The following RALGPS1 variants were observed in gnomAD, a reference collection of about 807,000 sequenced individuals.
RALGPS1 encodes Ral GEF with PH domain and SH3 binding motif 1, also known as ras-specific guanine nucleotide-releasing factor RalGPS1.
Under a neutral mutation model 78.8 loss-of-function variants are expected in RALGPS1, and 19 were observed. The observed-to-expected ratio is 0.24, with a 90% CI of 0.17 to 0.35. The LOEUF (loss-of-function observed/expected upper bound fraction) is 0.35, where lower values mean the gene tolerates loss of function less well. Among genes scored for constraint, RALGPS1 ranks in the 10% least tolerant of loss-of-function variants. RALGPS1 has a pLI of 1.00. For synonymous variants in RALGPS1, 228 were observed against 256.3 expected (o/e 0.89, Z 1.06); for missense variants, 454 against 688.3 (o/e 0.66, Z 3.81).
intron 8 of RALGPS1, among the ~76,000 whole-genome samples, chr9:127,089,349 A>G (rs2052167913): frequency 6.6e-6 from 1 of 152,176 alleles, no homozygotes; most frequent in Admixed American, 6.5e-5. Context: ...GTGATCTCAG[A>G]CAAGTGACTT....
intron 8 of RALGPS1, among the ~76,000 whole-genome samples, chr9:127,076,890 T>G (rs1299497813): frequency 3.3e-5 from 5 of 152,088 alleles, no homozygotes; most frequent in Admixed American, 3.3e-4. Context: ...ATAAGCTGGG[T>G]GAAGAGGTGG....
At chr9:127,060,310 A>G (rs1291832099) in intron 7 of RALGPS1, among the ~76,000 whole-genome samples, 2 of 152,222 alleles carry the variant, frequency 1.3e-5, no homozygotes, top group Admixed American at 6.5e-5. Flanking sequence ...ATCTGAATAC[A>G]TGTTACATAT....
chr9:127,131,957 C>CG (rs2057034770), intron 8 of RALGPS1, among the ~76,000 whole-genome samples: 1 of 151,864 alleles, frequency 6.6e-6, no homozygotes, highest in Admixed American at 6.6e-5. Context: ...ATCTGGGGCC[C>CG]GGGAATTTGC....
At chr9:126,967,161 A>G (rs1305577467) in intron 3 of RALGPS1, among the ~76,000 whole-genome samples, 3 of 152,158 alleles carry the variant, frequency 2.0e-5, no homozygotes, top group Admixed American at 6.5e-5. Context: ...AGCCTGGCAC[A>G]TGCATCATCT....
chr9:126,936,132 C>T (rs894576493), intron 1 of RALGPS1, among the ~76,000 whole-genome samples: 1 of 152,200 alleles, frequency 6.6e-6, no homozygotes, highest in African/African-American at 2.4e-5. Flanking sequence ...CCAGTCATCC[C>T]GAGCCTCAGG....
intron 13 of RALGPS1, among the ~76,000 whole-genome samples, 177 bp from the exon 14 acceptor site, chr9:127,198,838 C>T (rs1461121681): frequency 6.6e-6 from 1 of 152,186 alleles, no homozygotes; most frequent in Non-Finnish European, 1.5e-5. Context: ...TTCTTTGACC[C>T]TCCCAGAGCA....
chr9:126,915,659 A>G (rs780769006), intron 1 of RALGPS1, among the ~76,000 whole-genome samples: 1 of 151,800 alleles, frequency 6.6e-6, no homozygotes, highest in African/African-American at 2.4e-5. Flanking sequence ...CTTGGAGCTC[A>G]GCTGCCCTGG....
At chr9:126,949,141 C>A (rs1267224101) in intron 1 of RALGPS1, among the ~76,000 whole-genome samples, 1 of 152,296 alleles carries the variant, frequency 6.6e-6, no homozygotes, top group Non-Finnish European at 1.5e-5. Context: ...AGGACATGAA[C>A]TCATCATTTT....
intron 1 of RALGPS1, among the ~76,000 whole-genome samples, chr9:126,938,068 T>C (rs1190531112): frequency 2.6e-5 from 4 of 152,172 alleles, no homozygotes; most frequent in African/African-American, 9.7e-5. Flanking sequence ...TGTCTGGCAA[T>C]CCAGCAGTAT....
At position 127,089,206 on chromosome 9, in the gene RALGPS1, G is replaced by A; in HGVS notation, c.610+19850G>A. ...ATTCTACTTGCGTCCATAGTGCTCAGGGCTTTCGGCAAAGCCCTCTCTGGG... is the reference window on the plus strand; with the variant it reads ...ATTCTACTTGCGTCCATAGTGCTCAAGGCTTTCGGCAAAGCCCTCTCTGGG... On this transcript the variant is annotated intron_variant, in intron 8 of 18. Transcript: ENST00000259351. The A allele has an allele frequency of 1.9e-6, 3 of 1,548,526 alleles. No homozygotes were observed. In the South Asian group the frequency reaches 3.4e-5, roughly 17 times the overall value.
chr9:127,039,214 G>A (rs1194310562), intron 5 of RALGPS1, among the ~76,000 whole-genome samples: 1 of 152,144 alleles, frequency 6.6e-6, no homozygotes. Flanking sequence ...GCAGAGGAGA[G>A]GAGGCCACAC....
intron 8 of RALGPS1, chr9:127,108,827 A>C (rs2054519530): frequency 1.5e-6 from 2 of 1,312,960 alleles, no homozygotes; most frequent in Admixed American, 2.3e-5. Flanking sequence ...CACCACTGTC[A>C]GTGCCCTGTG....
intron 1 of RALGPS1, among the ~76,000 whole-genome samples, chr9:126,927,208 A>T (rs140253196): frequency 6.6e-6 from 1 of 152,124 alleles, no homozygotes; most frequent in African/African-American, 2.4e-5. Flanking sequence ...TCATTCTTGC[A>T]TAGCTGGCCC....
chr9:127,132,953 C>G (rs2057110743), intron 8 of RALGPS1, among the ~76,000 whole-genome samples: 2 of 152,206 alleles, frequency 1.3e-5, no homozygotes, highest in Admixed American at 6.5e-5. Flanking sequence ...CAAATCCCAG[C>G]CCCACTGCAT....
intron 8 of RALGPS1, among the ~76,000 whole-genome samples, chr9:127,084,123 C>T (rs1224299107): frequency 6.6e-6 from 1 of 152,102 alleles, no homozygotes; most frequent in African/African-American, 2.4e-5. Context: ...ATGGGGTTCT[C>T]ACCATGTTGC....
chr9:126,917,645 A>G (rs2034308471), intron 1 of RALGPS1, among the ~76,000 whole-genome samples: 1 of 152,198 alleles, frequency 6.6e-6, no homozygotes, highest in Admixed American at 6.5e-5. Flanking sequence ...TATGAAGAAT[A>G]AATGAGACGG....
At chr9:127,024,149 T>G (rs185014681) in intron 4 of RALGPS1, among the ~76,000 whole-genome samples, 16 of 152,098 alleles carry the variant, frequency 1.1e-4, no homozygotes, top group Admixed American at 2.0e-4. Flanking sequence ...TTATAAAAAT[T>G]AGGCATATTT....
chr9:126,999,370 G>A (rs989386012), intron 4 of RALGPS1, among the ~76,000 whole-genome samples: 2 of 152,050 alleles, frequency 1.3e-5, no homozygotes, highest in Non-Finnish European at 2.9e-5. Flanking sequence ...GAGTTAATTC[G>A]TGGTGTTGTG....
chr9:127,080,116 C>A (rs1246456939), intron 8 of RALGPS1, among the ~76,000 whole-genome samples: 2 of 152,086 alleles, frequency 1.3e-5, no homozygotes, highest in Non-Finnish European at 2.9e-5. Context: ...TGAGTTCTTG[C>A]AGTTCTATGA....
Sources: gnomAD v4.1 joint callset for allele counts (sites outside exome capture counted in the v4.1 genomes callset) on GRCh38, gnomAD v4.1.1 for gene constraint, MANE v1.5 for transcripts, NCBI Gene and HGNC (gene_info 2026-07-23, HGNC 2026-07-21) for gene names.